Variants in CCDC7 observed in about 807,000 individuals in gnomAD.
The protein encoded by CCDC7 is coiled-coil domain-containing protein 7.
In CCDC7, 183 loss-of-function variants were observed where a neutral mutation model predicts 196.9. That is an observed-to-expected ratio of 0.93 (90% CI 0.82 to 1.05). CCDC7 has a LOEUF of 1.05. Ranked by LOEUF, CCDC7 falls within the 50% of genes least tolerant of loss-of-function variation. The probability of loss-of-function intolerance (pLI) is 0.00; values close to 1 mark genes in which losing one functional copy is unlikely to be tolerated. For synonymous variants in CCDC7, 525 were observed against 484.6 expected (o/e 1.08, Z -1.10); for missense variants, 1,540 against 1,482.2 (o/e 1.04, Z -0.64).
chr10:32,665,959 T>G (rs747635178), intron 21 of CCDC7, among the ~76,000 whole-genome samples: 3 of 152,020 alleles, frequency 2.0e-5, no homozygotes, highest in Non-Finnish European at 2.9e-5. Flanking sequence ...TTTGTAGATA[T>G]TGTAAATGAG....
At chr10:32,819,996 T>A (rs952847272) in intron 31 of CCDC7, among the ~76,000 whole-genome samples, 1 of 152,232 alleles carries the variant, frequency 6.6e-6, no homozygotes, top group Non-Finnish European at 1.5e-5. Flanking sequence ...AAATAAAGGG[T>A]ATTCAATTAG....
chr10:32,641,188 A>G (rs991015233), intron 20 of CCDC7, among the ~76,000 whole-genome samples: 1 of 152,120 alleles, frequency 6.6e-6, no homozygotes, highest in African/African-American at 2.4e-5. Flanking sequence ...CCTGAATTTG[A>G]ATGTTGGCCT....
chr10:32,480,198 C>T (rs890283141), intron 8 of CCDC7, among the ~76,000 whole-genome samples: 1 of 151,894 alleles, frequency 6.6e-6, no homozygotes, highest in Admixed American at 6.6e-5. Context: ...TTATGTACTT[C>T]TGCGCTAATC....
chr10:32,598,614 C>A lies in CCDC7; in HGVS notation c.1801+14310C>A, dbSNP rs377181988. Among the ~76,000 whole-genome samples the A allele has an allele frequency of 5.9e-5, 9 of 152,314 alleles. No individual in the cohort carries two copies. The South Asian group carries it at 1.7e-3, about 28-fold the overall frequency. ...ACTGGAGCTGTTCCTATTCAGCCAT[C>A]TTGGTGCCACCCCTGTCTCAAGATA... On this transcript the variant is annotated intron_variant, in intron 18 of 41. Coordinates refer to ENST00000639629, the Ensembl canonical transcript of CCDC7.
intron 41 of CCDC7, among the ~76,000 whole-genome samples, chr10:32,857,342 A>G (rs1354634260): frequency 6.6e-6 from 1 of 152,226 alleles, no homozygotes; most frequent in Non-Finnish European, 1.5e-5. Context: ...TTTCTAGTGC[A>G]TATGGAACAT....
intron 13 of CCDC7, among the ~76,000 whole-genome samples, chr10:32,550,152 A>AG (rs1428973421): frequency 7.4e-6 from 1 of 135,230 alleles, no homozygotes; most frequent in East Asian, 2.5e-4. Context: ...TATATTCTTA[A>AG]GTTTTTTTTT....
rs1427512469 is a variant in CCDC7 at position 32,631,526 on chromosome 10, C to T, written c.1802-2728C>T. Among the ~76,000 whole-genome samples, 4 of 152,048 alleles carry T rather than the reference C, an allele frequency of 2.6e-5. No homozygotes were observed. The South Asian group carries it at 8.3e-4, about 32-fold the overall frequency. ...TTTATGTATATGCCTTTGCTTATGCCAGTGCCACACTCTTGATTACTGAAA... is the reference window on the plus strand; with the variant it reads ...TTTATGTATATGCCTTTGCTTATGCTAGTGCCACACTCTTGATTACTGAAA... On this transcript the variant is annotated intron_variant, in intron 18 of 41. Coordinates refer to ENST00000639629, the Ensembl canonical transcript of CCDC7.
chr10:32,728,826 A>G, intron 26 of CCDC7, 61 bp from the exon 28 acceptor site: 1 of 859,142 alleles, frequency 1.2e-6, no homozygotes, highest in Non-Finnish European at 1.8e-6. Context: ...AGAAATGTAC[A>G]TATTATACAT....
intron 39 of CCDC7, among the ~76,000 whole-genome samples, chr10:32,849,548 CA>C (rs2093454594): frequency 6.6e-6 from 1 of 151,298 alleles, no homozygotes; most frequent in Admixed American, 6.6e-5. Context: ...ACTAAAAATA[CA>C]AAAATTAGCT....
At chr10:32,443,584 T>C (rs944080578), upstream of CCDC7, among the ~76,000 whole-genome samples, 20 of 152,248 alleles carry the variant, frequency 1.3e-4, no homozygotes, top group Admixed American at 1.0e-3. Flanking sequence ...TCTTTCCCCA[T>C]TGAAGTGCAC....
intron 18 of CCDC7, among the ~76,000 whole-genome samples, chr10:32,593,007 A>G (rs990542834): frequency 2.0e-5 from 3 of 152,198 alleles, no homozygotes; most frequent in African/African-American, 4.8e-5. Flanking sequence ...CACAATAAAC[A>G]TATGTGTGCA....
At chr10:32,676,750 G>C (rs2075048846) in intron 21 of CCDC7, among the ~76,000 whole-genome samples, 1 of 152,058 alleles carries the variant, frequency 6.6e-6, no homozygotes, top group Admixed American at 6.6e-5. Flanking sequence ...GGAGAAATAG[G>C]AACACTTTTA....
At chr10:32,567,822 A>G (rs926910233) in exon 15 of CCDC7, 13 of 1,613,566 alleles carry the variant, frequency 8.1e-6, no homozygotes, top group Non-Finnish European at 9.3e-6. Flanking sequence ...TGGAGAAAGA[A>G]ACAAGAAAAT....
At chr10:32,866,015 C>A (rs572377616) in intron 41 of CCDC7, among the ~76,000 whole-genome samples, 8 of 151,880 alleles carry the variant, frequency 5.3e-5, no homozygotes, top group African/African-American at 1.9e-4. Flanking sequence ...GCTCAGAGAA[C>A]CTAAAAGCAA....
intron 15 of CCDC7, 107 bp from the exon 17 acceptor site, chr10:32,571,752 G>T: frequency 9.5e-7 from 1 of 1,057,210 alleles, no homozygotes; most frequent in Non-Finnish European, 1.3e-6. Flanking sequence ...TTAATCTTAC[G>T]AAATTGTCAT....
chr10:32,485,965 T>C (rs999361515), intron 8 of CCDC7, among the ~76,000 whole-genome samples: 27 of 152,166 alleles, frequency 1.8e-4, no homozygotes, highest in African/African-American at 6.0e-4. Flanking sequence ...GAGAAGATTG[T>C]ATATTCGGTT....
chr10:32,814,667 T>G (rs2087981523), intron 31 of CCDC7, among the ~76,000 whole-genome samples: 2 of 152,156 alleles, frequency 1.3e-5, no homozygotes, highest in South Asian at 4.1e-4. Context: ...ATGGATGTGA[T>G]AAGAAGATGA....
chr10:32,708,145 T>A (rs977206550), intron 24 of CCDC7, among the ~76,000 whole-genome samples: 8 of 151,986 alleles, frequency 5.3e-5, no homozygotes, highest in Admixed American at 1.3e-4. Flanking sequence ...TGGAAAAGAA[T>A]AGAGCCCTCA....
intron 21 of CCDC7, among the ~76,000 whole-genome samples, chr10:32,669,529 G>C (rs1042180154): frequency 2.0e-5 from 3 of 152,004 alleles, no homozygotes; most frequent in African/African-American, 7.2e-5. Context: ...TTCTTTAATA[G>C]AATAGTTTAT....
Sources: gnomAD v4.1 joint callset for allele counts (sites outside exome capture counted in the v4.1 genomes callset) on GRCh38, gnomAD v4.1.1 for gene constraint, MANE v1.5 for transcripts, NCBI Gene and HGNC (gene_info 2026-07-23, HGNC 2026-07-21) for gene names.